Variants in CNTN4 observed in about 807,000 individuals in gnomAD.
CNTN4 encodes the protein contactin 4.
CNTN4 carries 77 observed loss-of-function variants against 122.5 expected under a neutral mutation model. That is an observed-to-expected ratio of 0.63 (90% CI 0.52 to 0.76). The LOEUF (loss-of-function observed/expected upper bound fraction) is 0.76, where lower values mean the gene tolerates loss of function less well. Among genes scored for constraint, CNTN4 ranks in the 30% least tolerant of loss-of-function variants. The probability of loss-of-function intolerance (pLI) is 0.00; values close to 1 mark genes in which losing one functional copy is unlikely to be tolerated. For synonymous variants in CNTN4, 512 were observed against 447.0 expected (o/e 1.15, Z -1.83); for missense variants, 1,256 against 1,259.1 (o/e 1.00, Z 0.04).
chr3:2,720,439 G>A (rs916092901), intron 4 of CNTN4, among the ~76,000 whole-genome samples: 7 of 152,144 alleles, frequency 4.6e-5, no homozygotes, highest in Non-Finnish European at 7.3e-5. Flanking sequence ...TTAAAGGTAG[G>A]TTTTCTGGGA....
chr3:2,190,072 A>G (rs951376208), intron 2 of CNTN4, among the ~76,000 whole-genome samples: 1 of 152,162 alleles, frequency 6.6e-6, no homozygotes, highest in Non-Finnish European at 1.5e-5. Context: ...TCACTGAATC[A>G]GTGTTTGGGA....
chr3:2,344,267 G>C (rs2044314661), intron 3 of CNTN4, among the ~76,000 whole-genome samples: 1 of 149,374 alleles, frequency 6.7e-6, no homozygotes, highest in South Asian at 2.1e-4. Flanking sequence ...CAAGGCCAAA[G>C]GCCAGGTCAA....
intron 2 of CNTN4, among the ~76,000 whole-genome samples, chr3:2,232,895 G>C (rs1160630575): frequency 6.6e-6 from 1 of 152,184 alleles, no homozygotes; most frequent in Non-Finnish European, 1.5e-5. Context: ...GAAGTCATAA[G>C]AAAGGTTGAG....
chr3:2,231,528 A>G (rs1286436739), intron 2 of CNTN4, among the ~76,000 whole-genome samples: 4 of 152,216 alleles, frequency 2.6e-5, no homozygotes, highest in Non-Finnish European at 5.9e-5. Context: ...GAAGCAGTAC[A>G]TCTATGCAAG....
intron 7 of CNTN4, among the ~76,000 whole-genome samples, chr3:2,866,057 A>G (rs543400712): frequency 2.6e-5 from 4 of 152,138 alleles, no homozygotes; most frequent in Admixed American, 2.0e-4. Context: ...AGTGTTTGCC[A>G]CAGTGTTAAA....
intron 10 of CNTN4, among the ~76,000 whole-genome samples, chr3:2,895,754 G>T (rs2094102120): frequency 6.6e-6 from 1 of 152,224 alleles, no homozygotes; most frequent in African/African-American, 2.4e-5. Flanking sequence ...AAAAGGAGGG[G>T]CTGGGCGCAG....
intron 2 of CNTN4, among the ~76,000 whole-genome samples, chr3:2,172,631 A>G (rs1370571692): frequency 2.6e-5 from 4 of 152,312 alleles, no homozygotes; most frequent in Non-Finnish European, 4.4e-5. Flanking sequence ...GTAGACTGAC[A>G]TTCTTTTCGT....
chr3:2,475,757 G>A (rs924674353), intron 3 of CNTN4, among the ~76,000 whole-genome samples: 2 of 152,056 alleles, frequency 1.3e-5, no homozygotes, highest in Non-Finnish European at 2.9e-5. Flanking sequence ...TGTTTATTGA[G>A]TTTTCTCAAA....
chr3:2,315,374 A>G (rs12494110), intron 2 of CNTN4, among the ~76,000 whole-genome samples: 46,515 of 151,896 alleles, frequency 0.31, 7,534 homozygotes, highest in Admixed American at 0.4. Flanking sequence ...TGTATTCATC[A>G]GTTTCCCAAA....
chr3:2,902,457 A>T (rs1268796745), intron 11 of CNTN4, among the ~76,000 whole-genome samples: 1 of 152,204 alleles, frequency 6.6e-6, no homozygotes, highest in Non-Finnish European at 1.5e-5. Flanking sequence ...ATTAACCTTC[A>T]AAGTATCACC....
intron 3 of CNTN4, among the ~76,000 whole-genome samples, chr3:2,559,653 A>T (rs2078865581): frequency 6.6e-6 from 1 of 152,194 alleles, no homozygotes; most frequent in Non-Finnish European, 1.5e-5. Flanking sequence ...AGACAAGAAA[A>T]TGGAGGTGAG....
At chr3:2,552,326 A>G (rs114094036) in intron 3 of CNTN4, among the ~76,000 whole-genome samples, 9 of 152,308 alleles carry the variant, frequency 5.9e-5, no homozygotes, top group African/African-American at 1.9e-4. Flanking sequence ...ACAGAACAAC[A>G]ACTTCACTTC....
intron 4 of CNTN4, among the ~76,000 whole-genome samples, chr3:2,656,041 A>T (rs1312077558): frequency 1.3e-5 from 2 of 152,216 alleles, no homozygotes; most frequent in African/African-American, 4.8e-5. Context: ...AATGGAAAAG[A>T]TAAGAATGTT....
chr3:2,214,061 T>C (rs2149454018), intron 2 of CNTN4, among the ~76,000 whole-genome samples: 1 of 152,296 alleles, frequency 6.6e-6, no homozygotes, highest in African/African-American at 2.4e-5. Flanking sequence ...AATTCTGTAC[T>C]TTTCCCACCT....
At chr3:2,592,357 A>G (rs1559279898) in intron 4 of CNTN4, among the ~76,000 whole-genome samples, 1 of 152,224 alleles carries the variant, frequency 6.6e-6, no homozygotes, top group Non-Finnish European at 1.5e-5. Flanking sequence ...AAAGACAAAT[A>G]TAATTCAAAG....
chr3:2,755,860 C>G (rs766218849), intron 6 of CNTN4, among the ~76,000 whole-genome samples: 2 of 152,000 alleles, frequency 1.3e-5, no homozygotes, highest in African/African-American at 4.8e-5. Context: ...TAAAAGAGAA[C>G]AATTAATATT....
intron 3 of CNTN4, among the ~76,000 whole-genome samples, chr3:2,436,911 G>A (rs2048277233): frequency 2.0e-5 from 3 of 151,390 alleles, no homozygotes; most frequent in Admixed American, 1.3e-4. Context: ...TAAAATATAT[G>A]TATTAAGTTG....
At chr3:2,191,905 G>A (rs536695624) in intron 2 of CNTN4, among the ~76,000 whole-genome samples, 61 of 151,246 alleles carry the variant, frequency 4.0e-4, no homozygotes, top group African/African-American at 1.5e-3. Context: ...ACAGGCCCCA[G>A]TGTCTGATGT....
intron 3 of CNTN4, among the ~76,000 whole-genome samples, chr3:2,568,011 G>C (rs768317886): frequency 6.6e-6 from 1 of 152,034 alleles, no homozygotes; most frequent in African/African-American, 2.4e-5. Flanking sequence ...GACAAGACCC[G>C]CACCTCCCTA....
Sources: allele counts gnomAD v4.1 joint callset (sites outside exome capture counted in the v4.1 genomes callset), GRCh38; gene constraint gnomAD v4.1.1; transcripts MANE v1.5; gene names NCBI Gene and HGNC (gene_info 2026-07-23, HGNC 2026-07-21).